The following SLC45A1 variants were observed in gnomAD, a reference collection of about 807,000 sequenced individuals.
SLC45A1 encodes solute carrier family 45 member 1.
SLC45A1 carries 28 observed loss-of-function variants against 57.6 expected under a neutral mutation model. The ratio of observed to expected loss-of-function variants is 0.49; its 90% CI spans 0.36 to 0.67. The LOEUF (loss-of-function observed/expected upper bound fraction) is 0.67. SLC45A1 is among the 30% of genes least tolerant of loss of function. SLC45A1 has a pLI of 0.00. For missense variants in SLC45A1, 814 were observed against 1,041.5 expected (o/e 0.78, Z 3.01); for synonymous variants, 459 against 471.5 (o/e 0.97, Z 0.34).
chr1:8,324,833 G>C (rs538867028), intron 2 of SLC45A1, 107 bp downstream of exon 2: 1 of 1,118,760 alleles, frequency 8.9e-7, no homozygotes, highest in Non-Finnish European at 1.2e-6. Context: ...CAAGAGTTAA[G>C]TTCCCTTCAT....
chr1:8,318,330 A>C, intron 1 of SLC45A1, 144 bp downstream of exon 1: 1 of 392,604 alleles, frequency 2.5e-6, no homozygotes, highest in Non-Finnish European at 4.5e-6. Flanking sequence ...TGGAAGTCTC[A>C]TGAATTGCAG....
At position 8,318,916 on chromosome 1, in the gene SLC45A1, C is replaced by T. The variant is rs574412162; in HGVS notation, c.-25+730C>T. On this transcript the variant is annotated intron_variant, in intron 1 of 8. Transcript: ENST00000471889. ...TTCAGTAACTAGCCTATTAAGTGCACCCTCCCAAGTCCGTAGAGCACCTTC... is the reference window on the plus strand; with the variant it reads ...TTCAGTAACTAGCCTATTAAGTGCATCCTCCCAAGTCCGTAGAGCACCTTC... Among the ~76,000 whole-genome samples, 4 of 152,304 alleles carry T rather than the reference C, an allele frequency of 2.6e-5. No homozygotes were observed. In the East Asian group the frequency reaches 7.7e-4, roughly 29 times the overall value.
In SLC45A1 at chr1:8,325,443, A is replaced by T. The variant is rs372355331; in HGVS notation, c.490+53A>T. The T allele has an allele frequency of 1.5e-6, 2 of 1,309,906 alleles. No homozygotes were observed. The highest frequency in any genetic ancestry group is 2.2e-6 in the Non-Finnish European group (2 of 918,426). 81.1% of individuals were successfully genotyped at this position (1,309,906 alleles called of 1,614,324 possible). A position where few individuals can be genotyped will look rare whatever the true frequency, so the allele number is the denominator to read the frequency against. On this transcript the variant is annotated intron_variant, in intron 3 of 8. Coordinates refer to ENST00000471889, the MANE Select transcript of SLC45A1 (RefSeq NM_001080397.3). This position sits in a 1 kb window ranked among gnomAD's most constrained non-coding sequence, Gnocchi z 6.3. ...TGGAGAGGAAAAAAAAAAGGCCCCA[A>T]CTGCTTCCTTTTAGGAAAATTTTAA...
Position 8,333,032 on chromosome 1 carries a change from G to A in SLC45A1, c.1443+2096G>A, listed in dbSNP as rs562926011. ...ATCTAGCCGAGGAGACACTTCACTCGGCCGCAGACGCACGTGGGCCGTGTC... is the reference window on the plus strand; with the variant it reads ...ATCTAGCCGAGGAGACACTTCACTCAGCCGCAGACGCACGTGGGCCGTGTC... On this transcript the variant is annotated intron_variant, in intron 5 of 8. Coordinates refer to ENST00000471889, the MANE Select transcript of SLC45A1 (RefSeq NM_001080397.3). Among the ~76,000 whole-genome samples the A allele has an allele frequency of 1.2e-3, 177 of 152,168 alleles. 5 individuals carry two copies. In the South Asian group the frequency reaches 0.035, roughly 30 times the overall value.
In SLC45A1 at chr1:8,326,332, G is replaced by C. The variant is rs1048936699; in HGVS notation, c.715+290G>C. ...GTTCTGCAGAGTCACCACAAACACTGAATTAGCAAACACCGCATCTCGCTC... is the reference window on the plus strand; with the variant it reads ...GTTCTGCAGAGTCACCACAAACACTCAATTAGCAAACACCGCATCTCGCTC... On this transcript the variant is annotated intron_variant, in intron 4 of 8. Transcript: ENST00000471889. This position sits in a 1 kb window ranked among gnomAD's most constrained non-coding sequence, Gnocchi z 5.5. 1.3e-5 allele frequency among the ~76,000 whole-genome samples: 2 copies of C among 152,188 alleles called. No individual in the cohort carries two copies. The highest frequency in any genetic ancestry group is 4.8e-5 in the African/African-American group (2 of 41,452).
At chr1:8,339,417 C>T (rs1412132082) in intron 7 of SLC45A1, 76 bp from the exon 8 acceptor site, 18 of 1,463,402 alleles carry the variant, frequency 1.2e-5, no homozygotes, top group East Asian at 2.3e-5. Context: ...GGTCAGCCGC[C>T]GGGAGGTGGC....
At chr1:8,318,798 C>T (rs1639904075) in intron 1 of SLC45A1, among the ~76,000 whole-genome samples, 4 of 152,212 alleles carry the variant, frequency 2.6e-5, no homozygotes, top group Admixed American at 1.3e-4. Context: ...AGGAAAGCCA[C>T]GTTCAGGCTG....
At chr1:8,337,683 G>A (rs1640663178) in intron 6 of SLC45A1, 133 bp from the exon 7 acceptor site, 2 of 769,656 alleles carry the variant, frequency 2.6e-6, no homozygotes, top group African/African-American at 1.8e-5. Context: ...CTCCCAAAGT[G>A]CTGGGATTAC....
At chr1:8,339,932 G>A (rs1640757254) in intron 8 of SLC45A1, among the ~76,000 whole-genome samples, 1 of 152,196 alleles carries the variant, frequency 6.6e-6, no homozygotes, top group Non-Finnish European at 1.5e-5. Flanking sequence ...TCTGGGTCAG[G>A]CTCTGTCCTT....
chr1:8,318,490 C>T (rs1385366108), intron 1 of SLC45A1, among the ~76,000 whole-genome samples: 3 of 152,222 alleles, frequency 2.0e-5, no homozygotes, highest in South Asian at 2.1e-4. Flanking sequence ...CTCCTTGAGC[C>T]GGAGGCCTGG....
intron 4 of SLC45A1, among the ~76,000 whole-genome samples, chr1:8,329,377 C>T (rs553510608): frequency 2.0e-5 from 3 of 152,346 alleles, no homozygotes; most frequent in South Asian, 4.1e-4. Flanking sequence ...TAGCTGAACT[C>T]ACAATAAAAC....
At chr1:8,323,940 TGG>T (rs1426098447) in intron 1 of SLC45A1, among the ~76,000 whole-genome samples, 1 of 152,162 alleles carries the variant, frequency 6.6e-6, no homozygotes, top group African/African-American at 2.4e-5. Flanking sequence ...AAATTAGCCC[TGG>T]AAATGGGCCG....
rs752063970 is a variant in SLC45A1, at chr1:8,325,280, T to A, written c.398-18T>A. 8.8e-6 allele frequency: 14 copies of A among 1,588,288 alleles called. No individual in the cohort carries two copies. The highest frequency in any genetic ancestry group is 1.2e-5 in the Non-Finnish European group (14 of 1,157,030). ...CCATGGGGACCCTGGCAATGACCGCTGGCCTGCTCTGTTTCAGGATTCCTA... is the reference window on the plus strand; with the variant it reads ...CCATGGGGACCCTGGCAATGACCGCAGGCCTGCTCTGTTTCAGGATTCCTA... On this transcript the variant is annotated intron_variant, in intron 2 of 8. Coordinates refer to ENST00000471889, the MANE Select transcript of SLC45A1 (RefSeq NM_001080397.3). The surrounding 1 kb of genome is among the most constrained non-coding windows in gnomAD (Gnocchi z 6.3).
intron 1 of SLC45A1, among the ~76,000 whole-genome samples, chr1:8,322,502 C>T (rs1640065137): frequency 6.6e-6 from 1 of 151,068 alleles, no homozygotes; most frequent in African/African-American, 2.4e-5. Flanking sequence ...ATCATTTTCA[C>T]CATTGGTGTC....
At position 8,327,009 on chromosome 1, in the gene SLC45A1, T is replaced by C. The variant is rs116024147; in HGVS notation, c.715+967T>C. On this transcript the variant is annotated intron_variant, in intron 4 of 8. Coordinates refer to ENST00000471889, the MANE Select transcript of SLC45A1 (RefSeq NM_001080397.3). This position sits in a 1 kb window ranked among gnomAD's most constrained non-coding sequence, Gnocchi z 4.3. ...AACAAACAAACAAACAAACACCAAC[T>C]CTTGTTTCCAGTATGAGCGTGGAGA... Among the ~76,000 whole-genome samples, 1,800 of 152,002 alleles carry C rather than the reference T, an allele frequency of 0.012. 15 individuals are homozygous for C. Among genetic ancestry groups the C allele is most frequent in the Middle Eastern group, 0.02 (6 of 294 alleles).
rs776965975 is a variant in SLC45A1, at chr1:8,330,718, G to A, written c.1225G>A (p.Asp409Asn). ...CAGCGTCAGCTTCCCCCGGGCCCCC[G>A]ACGGCTTCTACCGCCAGGACCGTGG... ...PISVSFPRAPDGFYRQDRGLL... is the reference protein window; with the variant it reads ...PISVSFPRAPNGFYRQDRGLL... Residue 409 changes from aspartate to asparagine, a missense_variant, in exon 5 of 9, where the codon GAC becomes AAC. By Grantham distance (23) the Asp-to-Asn change is conservative (BLOSUM62 1). Transcript: ENST00000471889. This position sits in a 1 kb window ranked among gnomAD's most constrained non-coding sequence, Gnocchi z 8.4. 1.4e-5 allele frequency: 23 copies of A among 1,613,014 alleles called. No individual in the cohort carries two copies. Among genetic ancestry groups the A allele is most frequent in the African/African-American group, 6.7e-5 (5 of 74,930 alleles).
intron 6 of SLC45A1, 81 bp from the exon 7 acceptor site, chr1:8,337,735 C>T: frequency 7.5e-7 from 1 of 1,333,272 alleles, no homozygotes; most frequent in Non-Finnish European, 1.0e-6. Context: ...ACTTTTATAA[C>T]CAGTAGACGC....
At chr1:8,323,175 C>T (rs1640083908) in intron 1 of SLC45A1, among the ~76,000 whole-genome samples, 1 of 152,100 alleles carries the variant, frequency 6.6e-6, no homozygotes, top group South Asian at 2.1e-4. Flanking sequence ...TTACCTAGGT[C>T]ATGGGCATTG....
chr1:8,340,248 C>T (rs1170836668), intron 8 of SLC45A1, among the ~76,000 whole-genome samples: 4 of 151,454 alleles, frequency 2.6e-5, no homozygotes, highest in East Asian at 3.9e-4. Context: ...CTGCAACCTC[C>T]GCCTCCCGGG....
Sources: allele counts gnomAD v4.1 joint callset (sites outside exome capture counted in the v4.1 genomes callset), GRCh38; gene constraint gnomAD v4.1.1; non-coding constraint Gnocchi (gnomAD v3.1); transcripts MANE v1.5; gene names NCBI Gene and HGNC (gene_info 2026-07-23, HGNC 2026-07-21).